The following DNM3 variants were observed in gnomAD, a reference collection of about 807,000 sequenced individuals.
DNM3 encodes dynamin 3.
A neutral mutation model predicts 101.6 loss-of-function variants in DNM3; 47 were observed. The observed-to-expected ratio is 0.46, with a 90% CI of 0.37 to 0.59. The LOEUF (loss-of-function observed/expected upper bound fraction) is 0.59. Ranked by LOEUF, DNM3 falls within the 20% of genes least tolerant of loss-of-function variation. DNM3 has a pLI of 0.00. For missense variants in DNM3, 849 were observed against 1,085.7 expected, an observed-to-expected ratio of 0.78 and a Z score of 3.06; for synonymous variants, 385 against 387.9, an observed-to-expected ratio of 0.99 and a Z score of 0.09.
At chr1:172,344,659 G>C (rs970339761) in intron 17 of DNM3, among the ~76,000 whole-genome samples, 1 of 152,162 alleles carries the variant, frequency 6.6e-6, no homozygotes, top group Non-Finnish European at 1.5e-5. Context: ...ATTTGGAGCC[G>C]AACTGATGGC....
At chr1:172,059,391 A>G (rs1439280849) in intron 10 of DNM3, among the ~76,000 whole-genome samples, 1 of 124,786 alleles carries the variant, frequency 8.0e-6, no homozygotes, top group Non-Finnish European at 1.7e-5. Context: ...AGACACAACC[A>G]AAAAAGAGAA....
At chr1:172,027,990 C>T (rs12564743) in intron 4 of DNM3, among the ~76,000 whole-genome samples, 1 of 152,268 alleles carries the variant, frequency 6.6e-6, no homozygotes, top group East Asian at 1.9e-4. Flanking sequence ...CTTTAACACC[C>T]TACTGCCAAT....
rs75796723 is a variant in DNM3 at position 171,977,434 on chromosome 1, G to A, written c.236-10222G>A. Among the ~76,000 whole-genome samples the A allele has an allele frequency of 1.6e-4, 24 of 152,244 alleles. 1 individual carries two copies. In the East Asian group the frequency reaches 4.6e-3, roughly 29 times the overall value. ...AGAAGTGACAACTGTAAACTTGATA[G>A]CAAGGGAAGAGACACAAGGGGAGAA... On this transcript the variant is annotated intron_variant, in intron 2 of 20. Transcript: ENST00000627582.
intron 15 of DNM3, among the ~76,000 whole-genome samples, chr1:172,293,884 T>C (rs1251748535): frequency 6.6e-6 from 1 of 152,184 alleles, no homozygotes; most frequent in African/African-American, 2.4e-5. Flanking sequence ...TCAGTGAGAA[T>C]GGGCCAAAGC....
chr1:172,355,563 A>T (rs1163867880), intron 17 of DNM3, among the ~76,000 whole-genome samples: 1 of 152,050 alleles, frequency 6.6e-6, no homozygotes, highest in African/African-American at 2.4e-5. Context: ...GTTCTGTAGC[A>T]TTTGCTAATT....
chr1:171,955,189 A>G (rs2042775426), intron 2 of DNM3, among the ~76,000 whole-genome samples: 1 of 152,198 alleles, frequency 6.6e-6, no homozygotes. Flanking sequence ...AATAGTTGCC[A>G]TAAGTTTACT....
At chr1:171,915,701 G>A (rs2039658022) in intron 1 of DNM3, among the ~76,000 whole-genome samples, 1 of 152,048 alleles carries the variant, frequency 6.6e-6, no homozygotes, top group Non-Finnish European at 1.5e-5. Context: ...TGAGTTGTAG[G>A]GATGTTTAAG....
intron 2 of DNM3, among the ~76,000 whole-genome samples, chr1:171,965,447 A>G (rs2043511320): frequency 6.6e-6 from 1 of 151,674 alleles, no homozygotes; most frequent in Non-Finnish European, 1.5e-5. Flanking sequence ...CAGCTACTTG[A>G]AAGGCTGAGG....
At position 172,391,068 on chromosome 1, in the gene DNM3, G is replaced by A. The variant is rs138639899; in HGVS notation, c.2522+2259G>A. Among the ~76,000 whole-genome samples, 377 of 152,340 alleles carry A rather than the reference G, an allele frequency of 2.5e-3. 1 individual carries two copies. Among genetic ancestry groups the A allele is most frequent in the African/African-American group, 8.7e-3 (361 of 41,576 alleles). ...GAACAAGGCAGCCGGATGAGAATGA[G>A]TAGCCCGAGCTGGATGGCCGGCACA... On this transcript the variant is annotated intron_variant, in intron 20 of 20. Coordinates refer to ENST00000627582, the MANE Select transcript of DNM3 (RefSeq NM_015569.5).
chr1:171,915,152 G>A (rs1009620073), intron 1 of DNM3, among the ~76,000 whole-genome samples: 2 of 152,180 alleles, frequency 1.3e-5, no homozygotes, highest in South Asian at 4.1e-4. Context: ...GAATTAATAG[G>A]TTAAATTAAT....
chr1:172,346,122 C>CAAAAAAAAAAAAAA (rs554868535), intron 17 of DNM3, among the ~76,000 whole-genome samples: 1 of 92,150 alleles, frequency 1.1e-5, no homozygotes, highest in Admixed American at 1.2e-4. Flanking sequence ...GACTCCGTCT[C>CAAAAAAAAAAAAAA]AAAAAAAAAA....
intron 6 of DNM3, among the ~76,000 whole-genome samples, chr1:172,033,628 A>T (rs1033232482): frequency 6.6e-6 from 1 of 152,172 alleles, no homozygotes; most frequent in African/African-American, 2.4e-5. Context: ...TTGAAGCACC[A>T]GTCTGTAATG....
At chr1:172,074,559 A>C (rs1394332408) in intron 11 of DNM3, among the ~76,000 whole-genome samples, 1 of 152,020 alleles carries the variant, frequency 6.6e-6, no homozygotes, top group Non-Finnish European at 1.5e-5. Context: ...GAGTGAGAAC[A>C]TGCAGTGTTT....
intron 14 of DNM3, among the ~76,000 whole-genome samples, chr1:172,163,865 ATATGTGTATATG>A (rs1420268225): frequency 6.9e-6 from 1 of 145,184 alleles, no homozygotes; most frequent in Non-Finnish European, 1.5e-5. Context: ...TATGTATTTC[ATATGTGTATATG>A]TATGTGTATA....
chr1:172,099,154 A>G (rs975566330), intron 13 of DNM3, among the ~76,000 whole-genome samples: 9 of 152,240 alleles, frequency 5.9e-5, no homozygotes, highest in African/African-American at 1.9e-4. Context: ...AGGACTGTGT[A>G]ATCTCACATG....
chr1:171,961,579 A>G (rs1357900468), intron 2 of DNM3, among the ~76,000 whole-genome samples: 2 of 152,204 alleles, frequency 1.3e-5, no homozygotes, highest in Non-Finnish European at 2.9e-5. Flanking sequence ...CTATAATATA[A>G]TACAGCAATT....
intron 2 of DNM3, among the ~76,000 whole-genome samples, chr1:171,938,031 G>GT (rs5778716): frequency 2.1e-3 from 303 of 147,000 alleles, no homozygotes; most frequent in East Asian, 5.2e-3. Context: ...TTTTAATAGA[G>GT]TTTTTTTTTT....
intron 2 of DNM3, among the ~76,000 whole-genome samples, chr1:171,944,832 GTTTTC>G (rs1056119931): frequency 4.2e-5 from 2 of 47,880 alleles, no homozygotes; most frequent in Admixed American, 1.8e-4. Flanking sequence ...GTTTTTTTTT[GTTTTC>G]TTTTTTTTTG....
intron 1 of DNM3, among the ~76,000 whole-genome samples, chr1:171,891,697 A>G (rs1274703629): frequency 6.6e-6 from 1 of 152,172 alleles, no homozygotes; most frequent in East Asian, 1.9e-4. Context: ...GATTTCTCTG[A>G]TGTTTTTCTC....
Sources: gnomAD v4.1 joint callset for allele counts (sites outside exome capture counted in the v4.1 genomes callset) on GRCh38, gnomAD v4.1.1 for gene constraint, MANE v1.5 for transcripts, NCBI Gene and HGNC (gene_info 2026-07-23, HGNC 2026-07-21) for gene names.